The following SLC16A7 variants were observed in gnomAD, a reference collection of about 807,000 sequenced individuals.
SLC16A7 encodes solute carrier family 16 member 7.
In SLC16A7, 33 loss-of-function variants were observed where a neutral mutation model predicts 34.9. The ratio of observed to expected loss-of-function variants is 0.94; its 90% CI spans 0.72 to 1.26. SLC16A7 has a LOEUF of 1.26. Ranked by LOEUF, SLC16A7 falls within the 50% of genes most tolerant of loss-of-function variation. The probability of loss-of-function intolerance (pLI) is 0.00; values close to 1 mark genes in which losing one functional copy is unlikely to be tolerated. For missense variants in SLC16A7, 573 were observed against 578.1 expected, an observed-to-expected ratio of 0.99 and a Z score of 0.09; for synonymous variants, 201 against 206.6, an observed-to-expected ratio of 0.97 and a Z score of 0.23.
chr12:59,774,188 T>A (rs1354625721), intron 4 of SLC16A7, among the ~76,000 whole-genome samples: 1 of 152,342 alleles, frequency 6.6e-6, no homozygotes, highest in East Asian at 1.9e-4. Flanking sequence ...TTGTTACAAA[T>A]TACGACCTTT....
chr12:59,686,537 C>T (rs569287849), intron 2 of SLC16A7, among the ~76,000 whole-genome samples: 2 of 152,120 alleles, frequency 1.3e-5, no homozygotes, highest in African/African-American at 2.4e-5. Flanking sequence ...TTCCAACAGT[C>T]GCTTTTCCTT....
At chr12:59,762,122 C>A (rs975198435) in intron 3 of SLC16A7, among the ~76,000 whole-genome samples, 8 of 152,034 alleles carry the variant, frequency 5.3e-5, no homozygotes, top group African/African-American at 1.9e-4. Flanking sequence ...TGGAGAGGGT[C>A]TTTGTCATTC....
At chr12:59,667,932 T>A (rs745677147) in intron 2 of SLC16A7, among the ~76,000 whole-genome samples, 20 of 152,174 alleles carry the variant, frequency 1.3e-4, no homozygotes, top group Non-Finnish European at 2.6e-4. Flanking sequence ...TATAGCTATA[T>A]AGCTAGGGTC....
intron 4 of SLC16A7, among the ~76,000 whole-genome samples, chr12:59,774,053 A>G (rs190727722): frequency 6.6e-6 from 1 of 152,142 alleles, no homozygotes; most frequent in Non-Finnish European, 1.5e-5. Context: ...TCAAGCAAAA[A>G]CCTCCTTTTT....
At chr12:59,768,203 G>T (rs774345278) in intron 3 of SLC16A7, 2 of 455,794 alleles carry the variant, frequency 4.4e-6, no homozygotes, top group South Asian at 3.1e-5. Flanking sequence ...TGCTATTCTA[G>T]ATAACATCAC....
chr12:59,719,891 G>C (rs577754985), intron 3 of SLC16A7: 2 of 514,174 alleles, frequency 3.9e-6, no homozygotes, highest in Non-Finnish European at 6.8e-6. Context: ...ACAATTTTCC[G>C]TGGTCCACTG....
chr12:59,715,140 T>C (rs1004426861), intron 3 of SLC16A7, among the ~76,000 whole-genome samples: 3 of 152,176 alleles, frequency 2.0e-5, no homozygotes, highest in African/African-American at 7.2e-5. Context: ...TGTCATTATT[T>C]GTGGTAGTTA....
intron 2 of SLC16A7, among the ~76,000 whole-genome samples, chr12:59,703,124 T>A (rs965149763): frequency 1.3e-5 from 2 of 152,140 alleles, no homozygotes; most frequent in Non-Finnish European, 2.9e-5. Context: ...TAGGTTACTT[T>A]GAGTATCATG....
intron 3 of SLC16A7, among the ~76,000 whole-genome samples, chr12:59,725,456 T>C (rs2137220195): frequency 6.6e-6 from 1 of 152,252 alleles, no homozygotes; most frequent in Admixed American, 6.5e-5. Flanking sequence ...GAATTATTTA[T>C]CCTTGTTAGG....
At chr12:59,602,447 A>G (rs990908011) in intron 1 of SLC16A7, among the ~76,000 whole-genome samples, 1 of 141,186 alleles carries the variant, frequency 7.1e-6, no homozygotes, top group East Asian at 2.1e-4. Context: ...CGTATTCAAT[A>G]TAAGTATGTC....
chr12:59,732,512 AG>A (rs1877074644), intron 3 of SLC16A7, among the ~76,000 whole-genome samples: 1 of 152,210 alleles, frequency 6.6e-6, no homozygotes, highest in Non-Finnish European at 1.5e-5. Context: ...ATGCCAAAGT[AG>A]GTATATGAGA....
At chr12:59,765,411 C>A (rs1340838088) in intron 3 of SLC16A7, among the ~76,000 whole-genome samples, 5 of 152,116 alleles carry the variant, frequency 3.3e-5, no homozygotes, top group East Asian at 3.8e-4. Flanking sequence ...CTTGCCCATG[C>A]CTATGTCCTG....
chr12:59,702,596 T>C (rs967017337), intron 2 of SLC16A7, among the ~76,000 whole-genome samples: 2 of 152,088 alleles, frequency 1.3e-5, no homozygotes, highest in Non-Finnish European at 2.9e-5. Context: ...TGTTTGTGGT[T>C]AAAGCCTTTC....
At chr12:59,671,506 C>A (rs1277718564) in intron 2 of SLC16A7, among the ~76,000 whole-genome samples, 7 of 151,864 alleles carry the variant, frequency 4.6e-5, no homozygotes, top group Non-Finnish European at 7.4e-5. Context: ...AAGATATGCA[C>A]AATTTTCCCA....
At chr12:59,669,864 A>G (rs1869528866) in intron 2 of SLC16A7, among the ~76,000 whole-genome samples, 1 of 152,212 alleles carries the variant, frequency 6.6e-6, no homozygotes, top group Non-Finnish European at 1.5e-5. Context: ...GGGGGTTATA[A>G]GAATAATAAT....
At chr12:59,709,165 G>A (rs1278227017) in intron 3 of SLC16A7, among the ~76,000 whole-genome samples, 1 of 151,534 alleles carries the variant, frequency 6.6e-6, no homozygotes, top group Admixed American at 6.6e-5. Flanking sequence ...AGTTACTGGC[G>A]ACAGATTTGG....
intron 3 of SLC16A7, chr12:59,769,321 A>C (rs1881995040): frequency 6.6e-6 from 1 of 152,096 alleles, no homozygotes; most frequent in Non-Finnish European, 1.5e-5. Flanking sequence ...CCTCACCTGC[A>C]GTGTCTCTGA....
chr12:59,600,871 C>T (rs1265616846), intron 1 of SLC16A7, among the ~76,000 whole-genome samples: 4 of 152,050 alleles, frequency 2.6e-5, no homozygotes, highest in East Asian at 3.9e-4. Context: ...CTAAAACTCC[C>T]GCAAATGTTT....
At chr12:59,626,876 C>A (rs373586460) in intron 1 of SLC16A7, among the ~76,000 whole-genome samples, 1 of 151,724 alleles carries the variant, frequency 6.6e-6, no homozygotes, top group Non-Finnish European at 1.5e-5. Context: ...TAGATGTAAA[C>A]TTTTCAACAG....
Sources: gnomAD v4.1 joint callset for allele counts (sites outside exome capture counted in the v4.1 genomes callset) on GRCh38, gnomAD v4.1.1 for gene constraint, MANE v1.5 for transcripts, NCBI Gene and HGNC (gene_info 2026-07-23, HGNC 2026-07-21) for gene names.